CDH23: variants seen among roughly 807,000 people sequenced by gnomAD.
The protein encoded by CDH23 is cadherin related 23, also known as cadherin-23.
A neutral mutation model predicts 317.1 loss-of-function variants in CDH23; 189 were observed. The observed-to-expected ratio is 0.60, with a 90% confidence interval of 0.53 to 0.67. The LOEUF (loss-of-function observed/expected upper bound fraction) is 0.67, where lower values mean the gene tolerates loss of function less well. CDH23 is among the 30% of genes least tolerant of loss of function. The pLI is 0.00. For synonymous variants in CDH23, 1,839 were observed against 1,876.8 expected, an observed-to-expected ratio of 0.98 and a Z score of 0.52; for missense variants, 4,401 against 4,592.4, an observed-to-expected ratio of 0.96 and a Z score of 1.20.
At chr10:71,418,578 C>T (rs1848624449) in intron 1 of CDH23, among the ~76,000 whole-genome samples, 1 of 152,216 alleles carries the variant, frequency 6.6e-6, no homozygotes, top group South Asian at 2.1e-4. Context: ...CTTCCATTCT[C>T]ATTCTGTGCC....
At chr10:71,617,513 G>A (rs1426335287) in intron 11 of CDH23, 120 bp downstream of exon 11, 1 of 1,515,526 alleles carries the variant, frequency 6.6e-7, no homozygotes. Context: ...CCCCACTCCT[G>A]GTAGGTTCTG....
At chr10:71,700,187 G>A (rs568796106) in intron 22 of CDH23, among the ~76,000 whole-genome samples, 28 of 152,182 alleles carry the variant, frequency 1.8e-4, no homozygotes, top group Non-Finnish European at 3.7e-4. Flanking sequence ...AAGAGTTTGA[G>A]ACCAACCTGG....
At chr10:71,577,007 C>G (rs998598775) in intron 8 of CDH23, among the ~76,000 whole-genome samples, 2 of 152,176 alleles carry the variant, frequency 1.3e-5, no homozygotes, top group African/African-American at 4.8e-5. Context: ...TTCATGTTCT[C>G]TCCCTGGCAA....
intron 28 of CDH23, chr10:71,717,066 G>A (rs1866291081): frequency 2.0e-5 from 3 of 152,372 alleles, no homozygotes; most frequent in African/African-American, 7.2e-5. Flanking sequence ...GCCCCGTGGG[G>A]ATTCCTGTGA....
At position 71,730,501 on chromosome 10, in the gene CDH23, G is replaced by A. The variant is rs1839336095; in HGVS notation, c.3612G>A (p.Glu1204=). The A allele has an allele frequency of 1.2e-6, 2 of 1,613,940 alleles. No homozygotes were observed. Among genetic ancestry groups the A allele is most frequent in the South Asian group, 1.1e-5 (1 of 91,076 alleles). Reference sequence around the variant, plus strand: ...TGTACGTGGAGGACATCAACGATGAGGCCCCCGTGTTCACACAGCAGCAGT... The same window carrying A: ...TGTACGTGGAGGACATCAACGATGAAGCCCCCGTGTTCACACAGCAGCAGT... The part of the protein sequence containing the change: ...VIVYVEDIND[E]APVFTQQQYS... The change falls in exon 31 of 70, where the codon GAG becomes GAA. Residue 1204 remains glutamate (E), a synonymous_variant. Transcript: ENST00000224721.
chr10:71,544,313 A>G (rs1211229019), intron 6 of CDH23, among the ~76,000 whole-genome samples: 1 of 152,202 alleles, frequency 6.6e-6, no homozygotes, highest in Non-Finnish European at 1.5e-5. Flanking sequence ...GGCGGAAAAC[A>G]ACTCTAATAA....
Position 71,793,614 on chromosome 10 carries a change from ACG to A in CDH23, c.6688_6689del (p.Ala2230LeufsTer25), listed in dbSNP as rs1841324950. On this transcript the variant is annotated frameshift_variant, in exon 48 of 70. Coordinates refer to ENST00000224721, the MANE Select transcript of CDH23 (RefSeq NM_022124.6). LOFTEE classifies it high-confidence loss of function. ...GATCGCCTGGTGCCCAACCAGGAGG[ACG>A]CCTTTGCTGTGAATATCAACACAGG... 1 of 1,600,262 alleles carries A rather than the reference ACG, an allele frequency of 6.2e-7. No homozygotes were observed. The highest frequency in any genetic ancestry group is 1.3e-5 in the African/African-American group (1 of 74,816).
intron 2 of CDH23, among the ~76,000 whole-genome samples, chr10:71,440,423 C>G (rs1283097268): frequency 2.6e-5 from 4 of 151,792 alleles, no homozygotes; most frequent in Non-Finnish European, 5.9e-5. Context: ...CCAGGGATGT[C>G]CATCGGAAGA....
intron 11 of CDH23, among the ~76,000 whole-genome samples, chr10:71,642,502 A>C (rs1371473870): frequency 6.7e-6 from 1 of 149,028 alleles, no homozygotes; most frequent in Non-Finnish European, 1.5e-5. Flanking sequence ...GGCTTCAAGC[A>C]ATTCTCCTGT....
intron 1 of CDH23, among the ~76,000 whole-genome samples, chr10:71,426,420 T>C (rs1849081791): frequency 6.6e-6 from 1 of 152,198 alleles, no homozygotes; most frequent in African/African-American, 2.4e-5. Flanking sequence ...GAAGGCAGCC[T>C]CTGTGAGCCT....
At chr10:71,424,371 T>G (rs892867153) in intron 1 of CDH23, among the ~76,000 whole-genome samples, 2 of 152,216 alleles carry the variant, frequency 1.3e-5, no homozygotes, top group African/African-American at 4.8e-5. Context: ...GCTGTGATAT[T>G]AACACGCGTA....
chr10:71,502,855 A>G (rs577278970), intron 3 of CDH23, among the ~76,000 whole-genome samples: 2 of 152,280 alleles, frequency 1.3e-5, no homozygotes, highest in East Asian at 3.9e-4. Context: ...TTTGGTAACA[A>G]ATATTGCTTT....
chr10:71,440,617 G>T (rs377052251), intron 2 of CDH23, among the ~76,000 whole-genome samples: 1 of 152,200 alleles, frequency 6.6e-6, no homozygotes, highest in Non-Finnish European at 1.5e-5. Context: ...CTCCTTTCCT[G>T]GCCTTCCAGC....
At chr10:71,563,160 C>T (rs1857217847) in intron 6 of CDH23, among the ~76,000 whole-genome samples, 1 of 152,160 alleles carries the variant, frequency 6.6e-6, no homozygotes, top group Non-Finnish European at 1.5e-5. Flanking sequence ...CACTCTTCGA[C>T]TCTGTCATGA....
In CDH23 at chr10:71,797,089, T is replaced by A; in HGVS notation, c.6713-15T>A. 6 of 1,579,440 alleles carry A rather than the reference T, an allele frequency of 3.8e-6. No homozygotes were observed. Among genetic ancestry groups the A allele is most frequent in the Non-Finnish European group, 4.3e-6 (5 of 1,150,438 alleles). On this transcript the variant is annotated splice_polypyrimidine_tract_variant and intron_variant, in intron 48 of 69. Transcript: ENST00000224721. ...GGTTCTTCTCAGGCTGAACCTGGCCTGGTCTGGTCCACAGGATCTGTAATG... is the reference window on the plus strand; with the variant it reads ...GGTTCTTCTCAGGCTGAACCTGGCCAGGTCTGGTCCACAGGATCTGTAATG...
chr10:71,508,330 A>G (rs1853759166), intron 3 of CDH23: 1 of 152,160 alleles, frequency 6.6e-6, no homozygotes, highest in South Asian at 2.1e-4. Flanking sequence ...GAGTGTTGAG[A>G]TATCTGTGCT....
In CDH23 at chr10:71,790,338, C is replaced by G. The variant is rs1286457579; in HGVS notation, c.5974C>G (p.Gln1992Glu). The stretch of plus-strand genomic sequence containing the variant: ...GCCCATCCTGGCCCTGGATGCAGAC[C>G]AAGACATCTACGCCGTGGTGACCTA... ...NGPILALDAD[Q>E]DIYAVVTYQL... The change falls in exon 46 of 70, where the codon CAA becomes GAA. Residue 1992 changes from glutamine to glutamate, a missense_variant. Transcript: ENST00000224721. 6.2e-7 allele frequency: 1 copy of G among 1,613,918 alleles called. No homozygotes were observed.
rs1256141143 is a variant in CDH23 at position 71,799,554 on chromosome 10, T to G, written c.7287T>G (p.Ala2429=). 1 of 1,614,054 alleles carries G rather than the reference T, an allele frequency of 6.2e-7. No individual in the cohort carries two copies. The highest frequency in any genetic ancestry group is 1.1e-5 in the South Asian group (1 of 91,084). The change falls in exon 52 of 70, where the codon GCT becomes GCG. Residue 2429 remains alanine, a synonymous_variant. Coordinates refer to ENST00000224721, the MANE Select transcript of CDH23 (RefSeq NM_022124.6). The part of the protein sequence containing the change: ...TIILTVTATD[A]DSGNFALIEY... ...TCCTGACAGTCACTGCCACTGATGCTGACTCAGGCAACTTTGCACTCATTG... is the reference window on the plus strand; with the variant it reads ...TCCTGACAGTCACTGCCACTGATGCGGACTCAGGCAACTTTGCACTCATTG...
At chr10:71,692,836 TAGCACAC>T (rs1352228534) in intron 20 of CDH23, among the ~76,000 whole-genome samples, 1 of 152,324 alleles carries the variant, frequency 6.6e-6, no homozygotes, top group East Asian at 1.9e-4. Flanking sequence ...AAAAGATGGA[TAGCACAC>T]AGGCCCTGCC....
Sources: allele counts gnomAD v4.1 joint callset (sites outside exome capture counted in the v4.1 genomes callset), GRCh38; gene constraint gnomAD v4.1.1; transcripts MANE v1.5; gene names NCBI Gene and HGNC (gene_info 2026-07-23, HGNC 2026-07-21).